The following CHRM3 variants were observed in gnomAD, a reference collection of about 807,000 sequenced individuals.
CHRM3 encodes cholinergic receptor muscarinic 3, also known as muscarinic acetylcholine receptor M3.
CHRM3 carries 11 observed loss-of-function variants against 41.8 expected under a neutral mutation model. The observed-to-expected ratio is 0.26, with a 90% confidence interval of 0.17 to 0.44. The LOEUF (loss-of-function observed/expected upper bound fraction) is 0.44, where lower values mean the gene tolerates loss of function less well. CHRM3 is among the 20% of genes least tolerant of loss of function. The probability of loss-of-function intolerance (pLI) is 1.00; values close to 1 mark genes in which losing one functional copy is unlikely to be tolerated. For synonymous variants in CHRM3, 297 were observed against 301.4 expected, an observed-to-expected ratio of 0.99 and a Z score of 0.15; for missense variants, 571 against 745.4, an observed-to-expected ratio of 0.77 and a Z score of 2.72.
intron 6 of CHRM3, among the ~76,000 whole-genome samples, chr1:239,832,682 A>C (rs2149106102): frequency 6.6e-6 from 1 of 152,134 alleles, no homozygotes; most frequent in South Asian, 2.1e-4. Flanking sequence ...GAGGAAGAAC[A>C]CGTTCATCCT....
intron 5 of CHRM3, among the ~76,000 whole-genome samples, chr1:239,757,509 A>G (rs1384122834): frequency 2.0e-5 from 3 of 152,022 alleles, no homozygotes; most frequent in Non-Finnish European, 4.4e-5. Context: ...GAGCCCCTGT[A>G]GTCCCAGGTA....
intron 3 of CHRM3, among the ~76,000 whole-genome samples, chr1:239,595,463 TTTAAG>T (rs1478129816): frequency 2.6e-5 from 4 of 152,200 alleles, no homozygotes; most frequent in Non-Finnish European, 5.9e-5. Context: ...ATCTCTATTT[TTTAAG>T]TTATTTATCT....
chr1:239,698,101 A>G (rs1253297208), intron 5 of CHRM3, among the ~76,000 whole-genome samples: 6 of 152,200 alleles, frequency 3.9e-5, no homozygotes, highest in Admixed American at 2.6e-4. Context: ...ATTCTGAGAA[A>G]GAACTGACAA....
intron 4 of CHRM3, among the ~76,000 whole-genome samples, chr1:239,653,152 T>G (rs1672390076): frequency 6.6e-6 from 1 of 151,766 alleles, no homozygotes; most frequent in Non-Finnish European, 1.5e-5. Context: ...CATGGACAAG[T>G]GGGGATGTAT....
At chr1:239,604,221 C>T (rs1273252419) in intron 3 of CHRM3, among the ~76,000 whole-genome samples, 1 of 150,902 alleles carries the variant, frequency 6.6e-6, no homozygotes, top group Non-Finnish European at 1.5e-5. Context: ...TTAAGAGTAA[C>T]ATTTATTAAG....
At chr1:239,815,309 G>A (rs1240480246) in intron 5 of CHRM3, among the ~76,000 whole-genome samples, 1 of 152,186 alleles carries the variant, frequency 6.6e-6, no homozygotes, top group East Asian at 1.9e-4. Context: ...TCACCGACCG[G>A]AGGAAATGTG....
chr1:239,514,074 C>T (rs1276760985), intron 2 of CHRM3, among the ~76,000 whole-genome samples: 6 of 152,090 alleles, frequency 3.9e-5, no homozygotes, highest in Non-Finnish European at 5.9e-5. Context: ...TAATGCCAGT[C>T]CTCCAGGTTT....
At position 239,886,850 on chromosome 1, in the gene CHRM3, G is replaced by T. The variant is rs61829362; in HGVS notation, c.-19-20583G>T. Among the ~76,000 whole-genome samples the T allele has an allele frequency of 8.3e-3, 1,270 of 152,266 alleles. 9 individuals carry two copies. The highest frequency in any genetic ancestry group is 0.012 in the Non-Finnish European group (848 of 68,030). ...TTTCTCTGTGAACCACGTTTTGCCA[G>T]ATACTTGGAGAACAACCCTCCATAA... On this transcript the variant is annotated intron_variant, in intron 6 of 6. Coordinates refer to ENST00000676153, the MANE Select transcript of CHRM3 (RefSeq NM_001375978.1).
chr1:239,751,970 T>C (rs1215678994), intron 5 of CHRM3, among the ~76,000 whole-genome samples: 1 of 152,164 alleles, frequency 6.6e-6, no homozygotes, highest in Non-Finnish European at 1.5e-5. Context: ...GGATAGGGAA[T>C]GTGAAGCTGT....
At chr1:239,818,946 C>A (rs557428057) in intron 5 of CHRM3, among the ~76,000 whole-genome samples, 7 of 152,264 alleles carry the variant, frequency 4.6e-5, no homozygotes, top group African/African-American at 1.4e-4. Flanking sequence ...GGAAGAGTGA[C>A]CCATTTCCAA....
At chr1:239,391,708 C>A (rs1659049400) in intron 1 of CHRM3, among the ~76,000 whole-genome samples, 1 of 152,188 alleles carries the variant, frequency 6.6e-6, no homozygotes, top group Non-Finnish European at 1.5e-5. Flanking sequence ...TGAGCCCCTG[C>A]CAGCTTCTCA....
At position 239,565,910 on chromosome 1, in the gene CHRM3, CTTTTTTTT is replaced by C. The variant is rs796838831; in HGVS notation, c.-313+20175_-313+20182del. On this transcript the variant is annotated intron_variant, in intron 3 of 6. Coordinates refer to ENST00000676153, the MANE Select transcript of CHRM3 (RefSeq NM_001375978.1). Reference sequence around the variant, plus strand: ...GATTTTCACTGAAAGCATCTTTTTTCTTTTTTTTTTTTTTTTTTTTTGAGACAGGTCTC... The same window carrying C: ...GATTTTCACTGAAAGCATCTTTTTTCTTTTTTTTTTTTTGAGACAGGTCTC... 1.0e-4 allele frequency among the ~76,000 whole-genome samples: 12 copies of C among 117,432 alleles called. No individual in the cohort carries two copies. In the South Asian group the frequency reaches 3.3e-3, roughly 32 times the overall value. 77.0% of individuals were successfully genotyped at this position (117,432 alleles called of 152,430 possible).
At chr1:239,413,096 G>GA (rs11392278) in intron 1 of CHRM3, among the ~76,000 whole-genome samples, 145,409 of 148,156 alleles carry the variant, frequency 0.98, 71,402 homozygotes, top group Non-Finnish European at 1. Flanking sequence ...AAACAAAAAT[G>GA]AAAAAAAAAA....
intron 6 of CHRM3, among the ~76,000 whole-genome samples, chr1:239,864,133 T>C (rs1223702843): frequency 6.7e-6 from 1 of 149,296 alleles, no homozygotes; most frequent in Non-Finnish European, 1.5e-5. Flanking sequence ...TCATCCCAGC[T>C]ACTTAGGAGG....
At position 239,914,946 on chromosome 1, in the gene CHRM3, G is replaced by C. The variant is rs1680565926; in HGVS notation, c.*5722G>C. The C allele has an allele frequency of 6.0e-6, 1 of 167,078 alleles. No individual in the cohort carries two copies. The highest frequency in any genetic ancestry group is 1.5e-5 in the Non-Finnish European group (1 of 68,132). 10.3% of individuals were successfully genotyped at this position (167,078 alleles called of 1,614,324 possible). Reference sequence around the variant, plus strand: ...CAAACTTCCTCTGGGCGTCTGCTTAGAGCTATGTGATGGCCACAGTTTGGG... The same window carrying C: ...CAAACTTCCTCTGGGCGTCTGCTTACAGCTATGTGATGGCCACAGTTTGGG... On this transcript the variant is annotated 3_prime_UTR_variant, in exon 7 of 7. Coordinates refer to ENST00000676153, the MANE Select transcript of CHRM3 (RefSeq NM_001375978.1).
At chr1:239,495,552 G>T (rs1431725495) in intron 2 of CHRM3, among the ~76,000 whole-genome samples, 2 of 152,130 alleles carry the variant, frequency 1.3e-5, no homozygotes, top group Non-Finnish European at 2.9e-5. Context: ...AAGTTACAGT[G>T]GAATGGAGAT....
chr1:239,824,570 CG>C (rs1363948793), intron 5 of CHRM3, among the ~76,000 whole-genome samples: 1 of 152,138 alleles, frequency 6.6e-6, no homozygotes, highest in Non-Finnish European at 1.5e-5. Flanking sequence ...TAAAACAATT[CG>C]CATATCTATA....
intron 6 of CHRM3, among the ~76,000 whole-genome samples, chr1:239,881,146 G>C (rs563075905): frequency 6.6e-6 from 1 of 151,762 alleles, no homozygotes; most frequent in African/African-American, 2.4e-5. Context: ...AGCCGGGCGT[G>C]GTGGTGGGCG....
chr1:239,755,197 G>T (rs925665746), intron 5 of CHRM3, among the ~76,000 whole-genome samples: 4 of 152,102 alleles, frequency 2.6e-5, no homozygotes, highest in African/African-American at 9.7e-5. Context: ...TTTTTAAAAG[G>T]ATTCTGTCCA....
Sources: allele counts gnomAD v4.1 joint callset (sites outside exome capture counted in the v4.1 genomes callset), GRCh38; gene constraint gnomAD v4.1.1; transcripts MANE v1.5; gene names NCBI Gene and HGNC (gene_info 2026-07-23, HGNC 2026-07-21).